Variants in MAP4K5 observed in about 807,000 individuals in gnomAD.
MAP4K5 encodes mitogen-activated protein kinase kinase kinase kinase 5.
In MAP4K5, 82 loss-of-function variants were observed where a neutral mutation model predicts 135.6. The ratio of observed to expected loss-of-function variants is 0.60; its 90% CI spans 0.51 to 0.73. The LOEUF (loss-of-function observed/expected upper bound fraction) is 0.73. MAP4K5 is among the 30% of genes least tolerant of loss of function. The pLI, the probability that MAP4K5 is intolerant of heterozygous loss-of-function variation, is 0.00. For missense variants in MAP4K5, 907 were observed against 1,010.9 expected, an observed-to-expected ratio of 0.90 and a Z score of 1.39; for synonymous variants, 347 against 335.0, an observed-to-expected ratio of 1.04 and a Z score of -0.39.
intron 3 of MAP4K5, among the ~76,000 whole-genome samples, chr14:50,497,814 TCCG>T (rs1481731989): frequency 8.3e-4 from 126 of 152,348 alleles, no homozygotes; most frequent in Non-Finnish European, 1.6e-3. Context: ...TATAAGTATT[TCCG>T]ATTTACCGTT....
chr14:50,444,982 A>T, intron 18 of MAP4K5, 59 bp downstream of exon 18: 4 of 1,508,252 alleles, frequency 2.7e-6, no homozygotes, highest in Non-Finnish European at 3.6e-6. Context: ...TGATTTATTC[A>T]CCCAGATAAC....
At position 50,420,057 on chromosome 14, in the gene MAP4K5, T is replaced by C. The variant is rs990787448; in HGVS notation, c.2503A>G (p.Asn835Asp). 6.2e-7 allele frequency: 1 copy of C among 1,611,128 alleles called. No homozygotes were observed. Among genetic ancestry groups the C allele is most frequent in the African/African-American group, 1.3e-5 (1 of 74,940 alleles). ...TCATGTCCAGCCAAGATGTAGAGAT[T>C]GCTGTGTGCAGTAGGATTTTCTGTT... ...RPTENPTAHSNLYILAGHENS... is the reference protein window; with the variant it reads ...RPTENPTAHSDLYILAGHENS... The change falls in exon 33 of 33, where the codon AAT becomes GAT. Residue 835 changes from asparagine (N) to aspartate (D), a missense_variant. Asn to Asp is a conservative substitution (Grantham distance 23). Transcript: ENST00000682126.
chr14:50,462,897 C>G, intron 12 of MAP4K5, 116 bp from the exon 13 acceptor site: 1 of 614,986 alleles, frequency 1.6e-6, no homozygotes, highest in Non-Finnish European at 2.9e-6. Context: ...TGGGAGTCTA[C>G]TAACACAAAT....
chr14:50,557,118 G>A (rs1185299413), intron 1 of MAP4K5, among the ~76,000 whole-genome samples: 2 of 151,932 alleles, frequency 1.3e-5, no homozygotes, highest in Non-Finnish European at 2.9e-5. Context: ...AGTTTATGAG[G>A]GTGCCAATTT....
chr14:50,505,828 G>A (rs1417000957), intron 2 of MAP4K5, among the ~76,000 whole-genome samples: 1 of 152,136 alleles, frequency 6.6e-6, no homozygotes, highest in Non-Finnish European at 1.5e-5. Flanking sequence ...CCTCTTTATT[G>A]TTGGACATAA....
intron 23 of MAP4K5, among the ~76,000 whole-genome samples, chr14:50,439,485 T>C (rs772490980): frequency 6.6e-6 from 1 of 152,072 alleles, no homozygotes; most frequent in Non-Finnish European, 1.5e-5. Context: ...CAGAACAACA[T>C]GAATTTCACC....
chr14:50,445,204 C>G lies in MAP4K5; in HGVS notation c.1186-10G>C, dbSNP rs544456714. The G allele has an allele frequency of 6.2e-7, 1 of 1,607,516 alleles. No individual in the cohort carries two copies. Among genetic ancestry groups the G allele is most frequent in the African/African-American group, 1.3e-5 (1 of 74,480 alleles). On this transcript the variant is annotated splice_polypyrimidine_tract_variant and intron_variant, in intron 17 of 32. Transcript: ENST00000682126. ...AACTGCTTATCCTTGGCTAGTGGTACAAAGACAAAAAAGTACTTTAACAGT... is the reference window on the plus strand; with the variant it reads ...AACTGCTTATCCTTGGCTAGTGGTAGAAAGACAAAAAAGTACTTTAACAGT...
At chr14:50,544,725 G>A (rs1229741065) in intron 1 of MAP4K5, among the ~76,000 whole-genome samples, 2 of 151,936 alleles carry the variant, frequency 1.3e-5, no homozygotes, top group African/African-American at 4.8e-5. Flanking sequence ...CTTGAGCTCG[G>A]GAGTTTGAGA....
At chr14:50,472,832 G>A (rs1437750012) in intron 9 of MAP4K5, among the ~76,000 whole-genome samples, 1 of 152,128 alleles carries the variant, frequency 6.6e-6, no homozygotes, top group Non-Finnish European at 1.5e-5. Flanking sequence ...ATCTGAGAAT[G>A]CCTATTGAAA....
At chr14:50,519,829 A>G (rs2038110742) in intron 2 of MAP4K5, among the ~76,000 whole-genome samples, 1 of 152,198 alleles carries the variant, frequency 6.6e-6, no homozygotes, top group African/African-American at 2.4e-5. Flanking sequence ...TACATTAAGA[A>G]TAACAGGAAA....
At chr14:50,457,213 G>C (rs774114983) in intron 13 of MAP4K5, among the ~76,000 whole-genome samples, 1 of 152,194 alleles carries the variant, frequency 6.6e-6, no homozygotes, top group Non-Finnish European at 1.5e-5. Flanking sequence ...CAAAGGCTCT[G>C]AATGTCAGCC....
At chr14:50,527,159 T>C (rs908315180) in intron 2 of MAP4K5, among the ~76,000 whole-genome samples, 1 of 152,062 alleles carries the variant, frequency 6.6e-6, no homozygotes, top group Non-Finnish European at 1.5e-5. Context: ...GTCAACCTGG[T>C]GAAACCCCGT....
rs764252278 is a variant in MAP4K5, at chr14:50,442,833, GAAAT to G, written c.1480-21_1480-18del. On this transcript the variant is annotated intron_variant, in intron 20 of 32. Coordinates refer to ENST00000682126, the MANE Select transcript of MAP4K5 (RefSeq NM_006575.6). ...TGCTCCCATCTTATTTATAAAGAAA[GAAAT>G]GTTAACTTATTTGATTAGAAAATTT... 4.9e-6 allele frequency: 7 copies of G among 1,441,140 alleles called. No individual in the cohort carries two copies. The highest frequency in any genetic ancestry group is 4.6e-5 in the East Asian group (2 of 43,298). 89.3% of individuals were successfully genotyped at this position (1,441,140 alleles called of 1,614,324 possible).
intron 21 of MAP4K5, among the ~76,000 whole-genome samples, chr14:50,442,252 C>A (rs2036245984): frequency 6.6e-6 from 1 of 152,036 alleles, no homozygotes; most frequent in South Asian, 2.1e-4. Flanking sequence ...ACATTTACTA[C>A]TTCTGCTTGA....
At chr14:50,471,700 A>G (rs1449652290) in intron 9 of MAP4K5, 1 of 152,224 alleles carries the variant, frequency 6.6e-6, no homozygotes, top group Non-Finnish European at 1.5e-5. Context: ...AAGTTGTCTT[A>G]GTTACTTTCA....
At chr14:50,506,919 GTCT>G (rs2037822348) in intron 2 of MAP4K5, among the ~76,000 whole-genome samples, 1 of 152,104 alleles carries the variant, frequency 6.6e-6, no homozygotes, top group Non-Finnish European at 1.5e-5. Context: ...TTAGCCTCAC[GTCT>G]TCTTCTAATT....
At chr14:50,456,931 G>A (rs2036605069) in intron 13 of MAP4K5, among the ~76,000 whole-genome samples, 1 of 152,164 alleles carries the variant, frequency 6.6e-6, no homozygotes, top group African/African-American at 2.4e-5. Context: ...CCCAGTGAAG[G>A]GAGAAATGAC....
At chr14:50,438,931 A>G (rs1293100274) in intron 23 of MAP4K5, among the ~76,000 whole-genome samples, 1 of 152,144 alleles carries the variant, frequency 6.6e-6, no homozygotes, top group African/African-American at 2.4e-5. Flanking sequence ...ATGAGTAGGG[A>G]TAAGCAGTAA....
At chr14:50,516,251 G>T (rs994438615) in intron 2 of MAP4K5, among the ~76,000 whole-genome samples, 2 of 152,194 alleles carry the variant, frequency 1.3e-5, no homozygotes, top group Admixed American at 6.5e-5. Flanking sequence ...TTGCACAATT[G>T]GGTAGACAGT....
Sources: allele counts gnomAD v4.1 joint callset (sites outside exome capture counted in the v4.1 genomes callset), GRCh38; gene constraint gnomAD v4.1.1; transcripts MANE v1.5; gene names NCBI Gene and HGNC (gene_info 2026-07-23, HGNC 2026-07-21).